The following CTNND2 variants were observed in gnomAD, a reference collection of about 807,000 sequenced individuals.
CTNND2 encodes catenin delta-2.
A neutral mutation model predicts 144.4 loss-of-function variants in CTNND2; 22 were observed. The ratio of observed to expected loss-of-function variants is 0.15; its 90% CI spans 0.11 to 0.22. The LOEUF (loss-of-function observed/expected upper bound fraction) is 0.22. Among genes scored for constraint, CTNND2 ranks in the 10% least tolerant of loss-of-function variants. The probability of loss-of-function intolerance (pLI) is 1.00; values close to 1 mark genes in which losing one functional copy is unlikely to be tolerated. For synonymous variants in CTNND2, 751 were observed against 695.6 expected (o/e 1.08, Z -1.25); for missense variants, 1,353 against 1,618.8 (o/e 0.84, Z 2.82).
At chr5:11,840,401 G>T (rs1794401487) in intron 1 of CTNND2, among the ~76,000 whole-genome samples, 2 of 152,120 alleles carry the variant, frequency 1.3e-5, no homozygotes, top group Non-Finnish European at 2.9e-5. Context: ...CTTCTCTCAG[G>T]TTAGTGGCTG....
intron 3 of CTNND2, among the ~76,000 whole-genome samples, chr5:11,506,014 ACT>A (rs1396101488): frequency 4.6e-5 from 7 of 152,022 alleles, no homozygotes; most frequent in South Asian, 2.1e-4. Flanking sequence ...GTGAGTTGAA[ACT>A]CACATTTCTA....
intron 3 of CTNND2, among the ~76,000 whole-genome samples, chr5:11,507,581 A>C (rs1369778845): frequency 6.6e-6 from 1 of 152,182 alleles, no homozygotes; most frequent in Non-Finnish European, 1.5e-5. Flanking sequence ...GAAGTCTGGA[A>C]GGGGATCAAG....
chr5:11,111,077 G>A (rs1752920664), intron 13 of CTNND2, 34 bp from the exon 14 acceptor site: 1 of 1,597,852 alleles, frequency 6.3e-7, no homozygotes, highest in African/African-American at 1.3e-5. Context: ...GAAAGAATGA[G>A]TAAAACTAGC....
chr5:11,841,469 A>G (rs1794468898), intron 1 of CTNND2, among the ~76,000 whole-genome samples: 1 of 152,134 alleles, frequency 6.6e-6, no homozygotes, highest in Non-Finnish European at 1.5e-5. Context: ...CTAATCACAT[A>G]CTCTTTGCCA....
chr5:11,240,832 ACCC>A (rs201352713), intron 9 of CTNND2, among the ~76,000 whole-genome samples: 23 of 109,288 alleles, frequency 2.1e-4, no homozygotes, highest in Admixed American at 3.0e-4. Context: ...CAGCACACAC[ACCC>A]CCCAACACAC....
chr5:11,079,421 A>G (rs1261338144), intron 16 of CTNND2, among the ~76,000 whole-genome samples: 1 of 152,204 alleles, frequency 6.6e-6, no homozygotes, highest in Non-Finnish European at 1.5e-5. Flanking sequence ...GATGCCTACC[A>G]GCCAGACCAA....
At chr5:11,182,902 CT>C (rs1735238602) in intron 11 of CTNND2, among the ~76,000 whole-genome samples, 1 of 152,194 alleles carries the variant, frequency 6.6e-6, no homozygotes, top group African/African-American at 2.4e-5. Context: ...AGGGAGCCCC[CT>C]GGAGGTAAAG....
intron 12 of CTNND2, among the ~76,000 whole-genome samples, chr5:11,136,946 T>C (rs778783671): frequency 1.1e-4 from 16 of 152,232 alleles, no homozygotes; most frequent in Non-Finnish European, 1.8e-4. Context: ...TCTATGTTCA[T>C]TCAAGGCTCT....
At chr5:11,255,635 T>G (rs1444366853) in intron 9 of CTNND2, among the ~76,000 whole-genome samples, 2 of 152,174 alleles carry the variant, frequency 1.3e-5, no homozygotes, top group Non-Finnish European at 2.9e-5. Context: ...AGGATGCAGA[T>G]GAAGGAAGGC....
At chr5:11,419,223 A>G (rs904819072) in intron 3 of CTNND2, among the ~76,000 whole-genome samples, 1 of 152,074 alleles carries the variant, frequency 6.6e-6, no homozygotes, top group African/African-American at 2.4e-5. Flanking sequence ...TTTATGAAAT[A>G]TGACAAAATG....
At chr5:11,758,530 T>C (rs1026657163) in intron 1 of CTNND2, among the ~76,000 whole-genome samples, 1 of 151,998 alleles carries the variant, frequency 6.6e-6, no homozygotes, top group African/African-American at 2.4e-5. Context: ...CTGGTAACCA[T>C]CATATAGTAC....
intron 2 of CTNND2, among the ~76,000 whole-genome samples, chr5:11,644,673 C>CA (rs202244691): frequency 0.27 from 31,161 of 114,076 alleles, 3,864 homozygotes; most frequent in African/African-American, 0.38. Context: ...GACTCCATCT[C>CA]AAAAAAAAAA....
intron 1 of CTNND2, among the ~76,000 whole-genome samples, chr5:11,797,995 C>G (rs372712850): frequency 5.1e-4 from 77 of 152,234 alleles, no homozygotes; most frequent in African/African-American, 1.8e-3. Flanking sequence ...TGGTGGCTCA[C>G]GCCTGTAATC....
intron 2 of CTNND2, among the ~76,000 whole-genome samples, chr5:11,621,055 G>A (rs1176910530): frequency 6.6e-6 from 1 of 152,154 alleles, no homozygotes; most frequent in African/African-American, 2.4e-5. Context: ...GGAGTCTCCT[G>A]AAAGAACGGT....
At chr5:11,746,972 G>T (rs1408670245) in intron 1 of CTNND2, among the ~76,000 whole-genome samples, 1 of 151,996 alleles carries the variant, frequency 6.6e-6, no homozygotes, top group Non-Finnish European at 1.5e-5. Context: ...TCAAATTAAT[G>T]ACTTTGGTTG....
chr5:11,066,615 A>G (rs1039532888), intron 16 of CTNND2, among the ~76,000 whole-genome samples: 4 of 152,162 alleles, frequency 2.6e-5, no homozygotes, highest in South Asian at 2.1e-4. Context: ...CATATTCTGA[A>G]GACCTCCTGA....
intron 3 of CTNND2, among the ~76,000 whole-genome samples, chr5:11,493,444 A>T (rs2149997067): frequency 6.6e-6 from 1 of 152,352 alleles, no homozygotes; most frequent in East Asian, 1.9e-4. Flanking sequence ...CGTGAAAATC[A>T]TTGATCCTGA....
At chr5:11,190,863 C>T (rs553768278) in intron 11 of CTNND2, among the ~76,000 whole-genome samples, 77 of 152,274 alleles carry the variant, frequency 5.1e-4, no homozygotes, top group African/African-American at 1.8e-3. Context: ...CATATTGCCT[C>T]TAGTGCAATG....
In CTNND2 at chr5:11,903,562, G is replaced by A. The variant is rs964940449; in HGVS notation, c.37+255C>T. 5.9e-5 allele frequency among the ~76,000 whole-genome samples: 9 copies of A among 152,168 alleles called. No individual in the cohort carries two copies. The highest frequency in any genetic ancestry group is 1.3e-4 in the Non-Finnish European group (9 of 68,030). ...CCCGGGGAGATGGGTGGCAGGGAGG[G>A]GGAGCACGCAGGGCAGCCACTTGGT... On this transcript the variant is annotated intron_variant, in intron 1 of 21. Transcript: ENST00000304623. This position sits in a 1 kb window ranked among gnomAD's most constrained non-coding sequence, Gnocchi z 5.4.
Sources: gnomAD v4.1 joint callset for allele counts (sites outside exome capture counted in the v4.1 genomes callset) on GRCh38, gnomAD v4.1.1 for gene constraint, Gnocchi (gnomAD v3.1) non-coding constraint, MANE v1.5 for transcripts, NCBI Gene and HGNC (gene_info 2026-07-23, HGNC 2026-07-21) for gene names.